The following FRMD5 variants were observed in gnomAD, a reference collection of about 807,000 sequenced individuals.
FRMD5 encodes the protein FERM domain-containing protein 5.
Under a neutral mutation model 69.0 loss-of-function variants are expected in FRMD5, and 20 were observed. The ratio of observed to expected loss-of-function variants is 0.29; its 90% CI spans 0.20 to 0.42. FRMD5 has a LOEUF of 0.42. Ranked by LOEUF, FRMD5 falls within the 10% of genes least tolerant of loss-of-function variation. The probability of loss-of-function intolerance (pLI) is 1.00; values close to 1 mark genes in which losing one functional copy is unlikely to be tolerated. For synonymous variants in FRMD5, 271 were observed against 260.1 expected (o/e 1.04, Z -0.40); for missense variants, 595 against 708.6 (o/e 0.84, Z 1.82).
chr15:43,999,974 A>G (rs371660110), intron 1 of FRMD5, among the ~76,000 whole-genome samples: 5 of 54,968 alleles, frequency 9.1e-5, no homozygotes, highest in African/African-American at 2.6e-4. Flanking sequence ...ATATATATAT[A>G]TATATATATA....
chr15:44,146,201 G>C (rs2077352654), intron 1 of FRMD5, among the ~76,000 whole-genome samples: 1 of 152,024 alleles, frequency 6.6e-6, no homozygotes, highest in African/African-American at 2.4e-5. Flanking sequence ...CCCCTTCCGT[G>C]TCCATGTGTT....
chr15:43,960,386 A>G (rs2090179621), intron 1 of FRMD5, among the ~76,000 whole-genome samples: 1 of 152,224 alleles, frequency 6.6e-6, no homozygotes, highest in Admixed American at 6.5e-5. Context: ...AGTAGCTGGG[A>G]CTACAGGTGC....
chr15:44,105,081 C>A (rs887867201), intron 1 of FRMD5, among the ~76,000 whole-genome samples: 1 of 85,740 alleles, frequency 1.2e-5, no homozygotes, highest in Non-Finnish European at 2.6e-5. Flanking sequence ...CACTCAAATT[C>A]TTTTCTTTTT....
intron 1 of FRMD5, among the ~76,000 whole-genome samples, chr15:44,004,223 T>C (rs1890336871): frequency 1.3e-5 from 2 of 152,248 alleles, no homozygotes; most frequent in East Asian, 1.9e-4. Context: ...TTCAAATGAA[T>C]GTTAAATCAA....
At chr15:44,149,090 A>C (rs775114522) in intron 1 of FRMD5, among the ~76,000 whole-genome samples, 16 of 152,206 alleles carry the variant, frequency 1.1e-4, no homozygotes, top group Non-Finnish European at 2.2e-4. Context: ...GTTTTGGCAC[A>C]CACAATGTAT....
Position 44,195,057 on chromosome 15 carries a change from T to TTC in FRMD5, c.-4_-3insGA. On this transcript the variant is annotated 5_prime_UTR_variant, in exon 1 of 14. Coordinates refer to ENST00000417257, the MANE Select transcript of FRMD5 (RefSeq NM_032892.5). ...CCGCTCATCAACCTGCTCAGCATCT[T>TTC]CCCGCCCGCCCGCCCGGGAGCGACG... is the stretch of plus-strand genomic sequence containing the variant. 2.6e-5 allele frequency: 38 copies of TTC among 1,472,330 alleles called. No homozygotes were observed. The highest frequency in any genetic ancestry group is 2.7e-5 in the East Asian group (1 of 36,608). The allele number at this position is 1,472,330 out of a possible 1,614,324, so 91.2% of individuals were successfully genotyped here.
At chr15:44,059,894 T>G (rs1893021832) in intron 1 of FRMD5, among the ~76,000 whole-genome samples, 1 of 152,172 alleles carries the variant, frequency 6.6e-6, no homozygotes, top group Admixed American at 6.5e-5. Context: ...TGGTTTCAAA[T>G]TCAGAAACAC....
At chr15:44,092,674 G>C (rs1595712340) in intron 1 of FRMD5, among the ~76,000 whole-genome samples, 1 of 152,044 alleles carries the variant, frequency 6.6e-6, no homozygotes, top group East Asian at 1.9e-4. Flanking sequence ...CTAGTGAAAT[G>C]GGTTTTGCTC....
intron 1 of FRMD5, among the ~76,000 whole-genome samples, chr15:44,129,956 A>G (rs1231098945): frequency 6.6e-6 from 1 of 152,198 alleles, no homozygotes; most frequent in Non-Finnish European, 1.5e-5. Flanking sequence ...CCCAGAGAAC[A>G]TCAGCTTGGG....
intron 1 of FRMD5, among the ~76,000 whole-genome samples, chr15:43,996,151 T>C (rs542632712): frequency 6.6e-6 from 1 of 151,984 alleles, no homozygotes; most frequent in Non-Finnish European, 1.5e-5. Flanking sequence ...GGGGTGGGCC[T>C]GCAGACTAGG....
intron 4 of FRMD5, 88 bp downstream of exon 4, chr15:43,919,371 C>A (rs2089452312): frequency 8.9e-7 from 1 of 1,122,802 alleles, no homozygotes; most frequent in South Asian, 1.2e-5. Flanking sequence ...TTAGGCGCTT[C>A]CAAATGAGAG....
chr15:44,127,349 C>T (rs533329728), intron 1 of FRMD5, among the ~76,000 whole-genome samples: 25 of 152,324 alleles, frequency 1.6e-4, no homozygotes, highest in African/African-American at 6.0e-4. Context: ...GCCTTGATGT[C>T]CCAAAGTGCT....
intron 1 of FRMD5, chr15:43,989,944 TC>T (rs1360296674): frequency 7.9e-6 from 9 of 1,139,704 alleles, no homozygotes; most frequent in Non-Finnish European, 1.2e-5. Flanking sequence ...CTCCATGTCG[TC>T]CCAGGTGGTG....
At chr15:43,910,114 T>C (rs2089258908) in intron 4 of FRMD5, 135 bp from the exon 5 acceptor site, 2 of 528,488 alleles carry the variant, frequency 3.8e-6, no homozygotes, top group Admixed American at 3.0e-5. Flanking sequence ...AAACATAATG[T>C]AGAACAAATA....
At chr15:44,179,017 T>C (rs1020242448) in intron 1 of FRMD5, among the ~76,000 whole-genome samples, 3 of 151,242 alleles carry the variant, frequency 2.0e-5, no homozygotes, top group Admixed American at 6.6e-5. Context: ...AATAAATAAA[T>C]AAATAAATAC....
chr15:43,967,991 C>T (rs2090321042), intron 1 of FRMD5, among the ~76,000 whole-genome samples: 1 of 151,420 alleles, frequency 6.6e-6, no homozygotes, highest in South Asian at 2.1e-4. Flanking sequence ...TTGTTCAACT[C>T]CCACTTATGA....
intron 1 of FRMD5, among the ~76,000 whole-genome samples, chr15:44,080,210 A>G (rs1893941057): frequency 6.6e-6 from 1 of 152,140 alleles, no homozygotes; most frequent in African/African-American, 2.4e-5. Flanking sequence ...TTGAATTTCC[A>G]AACCCAATTT....
At chr15:43,966,106 A>T (rs1243746263) in intron 1 of FRMD5, among the ~76,000 whole-genome samples, 1 of 151,932 alleles carries the variant, frequency 6.6e-6, no homozygotes, top group East Asian at 2.0e-4. Flanking sequence ...GGGTGCGGTG[A>T]CTTACGCCTG....
At chr15:43,888,940 T>C (rs1226993137) in intron 8 of FRMD5, 68 bp from the exon 9 acceptor site, 2 of 1,377,132 alleles carry the variant, frequency 1.5e-6, no homozygotes, top group Non-Finnish European at 2.1e-6. Flanking sequence ...ATCTTGTAGA[T>C]GCACAGCCCA....
Sources: gnomAD v4.1 joint callset for allele counts (sites outside exome capture counted in the v4.1 genomes callset) on GRCh38, gnomAD v4.1.1 for gene constraint, MANE v1.5 for transcripts, NCBI Gene and HGNC (gene_info 2026-07-23, HGNC 2026-07-21) for gene names.